NUDC: variants seen among roughly 807,000 people sequenced by gnomAD.
NUDC encodes nuclear migration protein nudC.
A neutral mutation model predicts 45.0 loss-of-function variants in NUDC; 14 were observed. That is an observed-to-expected ratio of 0.31 (90% CI 0.21 to 0.49). NUDC has a LOEUF of 0.49. Among genes scored for constraint, NUDC ranks in the 20% least tolerant of loss-of-function variants. NUDC has a pLI of 0.99. For synonymous variants in NUDC, 153 were observed against 156.7 expected (o/e 0.98, Z 0.17); for missense variants, 323 against 426.2 (o/e 0.76, Z 2.13).
chr1:26,946,501 GA>G lies in NUDC; in HGVS notation c.*321del, dbSNP rs1557683602. The G allele has an allele frequency of 4.8e-5, 20 of 419,896 alleles. No homozygotes were observed. The highest frequency in any genetic ancestry group is 7.2e-5 in the Non-Finnish European group (16 of 223,486). 26.0% of individuals were successfully genotyped at this position (419,896 alleles called of 1,614,324 possible). On this transcript the variant is annotated 3_prime_UTR_variant, in exon 9 of 9. Coordinates refer to ENST00000321265, the MANE Select transcript of NUDC (RefSeq NM_006600.4). ...GCTTCTAGCCCAGATTCTGCCATGT[GA>G]CCTAGGGCACATCCTTGCCCCTCTC...
intron 3 of NUDC, among the ~76,000 whole-genome samples, chr1:26,912,858 A>G (rs2082036691): frequency 6.6e-6 from 1 of 152,254 alleles, no homozygotes; most frequent in Non-Finnish European, 1.5e-5. Context: ...TTTCTCAGGC[A>G]GAGTGGCAAG....
At chr1:26,941,732 C>T (rs2082278869) in intron 3 of NUDC, 21 bp from the exon 4 acceptor site, 1 of 1,614,174 alleles carries the variant, frequency 6.2e-7, no homozygotes, top group African/African-American at 1.3e-5. Flanking sequence ...CTGTTGCCAA[C>T]TGCTGTGCTC....
chr1:26,922,747 A>G (rs1178710717), intron 1 of NUDC, among the ~76,000 whole-genome samples: 1 of 152,210 alleles, frequency 6.6e-6, no homozygotes, highest in Non-Finnish European at 1.5e-5. Context: ...CCCAGAGTCC[A>G]TGGCTGATTG....
upstream of NUDC, among the ~76,000 whole-genome samples, chr1:26,916,865 G>A (rs1213679928): frequency 6.6e-6 from 1 of 152,184 alleles, no homozygotes; most frequent in Non-Finnish European, 1.5e-5. Flanking sequence ...TAAGGTGGGA[G>A]GATTGCTTGA....
chr1:26,905,603 A>G (rs1293534021), intron 2 of NUDC, among the ~76,000 whole-genome samples: 1 of 151,038 alleles, frequency 6.6e-6, no homozygotes, highest in African/African-American at 2.4e-5. Flanking sequence ...GGTTACTTTG[A>G]AAAGTATATT....
chr1:26,906,721 C>G (rs71636794), intron 2 of NUDC, among the ~76,000 whole-genome samples: 8,098 of 151,210 alleles, frequency 0.054, 297 homozygotes, highest in Non-Finnish European at 0.079. Context: ...TGGTGGCGGG[C>G]GCCTGTAGTC....
upstream of NUDC, among the ~76,000 whole-genome samples, chr1:26,920,297 C>T (rs2082082557): frequency 6.6e-6 from 1 of 152,022 alleles, no homozygotes; most frequent in Admixed American, 6.6e-5. Context: ...TGAAACGAGC[C>T]TGGCCAACAT....
intron 3 of NUDC, 39 bp downstream of exon 3, chr1:26,941,699 C>G: frequency 6.2e-7 from 1 of 1,613,192 alleles, no homozygotes; most frequent in East Asian, 2.2e-5. Context: ...CTCAGATCCC[C>G]CCTGGCACTG....
At chr1:26,930,216 G>T (rs548595290) in intron 2 of NUDC, among the ~76,000 whole-genome samples, 45 of 152,266 alleles carry the variant, frequency 3.0e-4, no homozygotes, top group Non-Finnish European at 5.1e-4. Context: ...GCCCAGCCTG[G>T]ATGGTGTCCA....
chr1:26,913,541 G>A, intron 3 of NUDC: 3 of 1,613,900 alleles, frequency 1.9e-6, no homozygotes, highest in Non-Finnish European at 2.5e-6. Context: ...TCTGGCAGTT[G>A]GCCACTGCCT....
At chr1:26,939,562 A>G (rs1012987702) in intron 2 of NUDC, among the ~76,000 whole-genome samples, 3 of 152,130 alleles carry the variant, frequency 2.0e-5, no homozygotes, top group Non-Finnish European at 4.4e-5. Context: ...AGGGAGGTCG[A>G]ATGCATTCCA....
At chr1:26,936,580 TCCAC>T (rs1466857988) in intron 2 of NUDC, among the ~76,000 whole-genome samples, 9 of 151,920 alleles carry the variant, frequency 5.9e-5, no homozygotes, top group African/African-American at 1.9e-4. Flanking sequence ...CCTCAGGTGA[TCCAC>T]CCACCTTGGC....
chr1:26,942,824 A>G (rs749599733), intron 5 of NUDC, 47 bp from the exon 6 acceptor site: 2 of 1,613,942 alleles, frequency 1.2e-6, no homozygotes, highest in African/African-American at 2.7e-5. Flanking sequence ...AGCCTGGGGT[A>G]CCAGCAGCAC....
Position 26,941,801 on chromosome 1 carries a change from G to C in NUDC, c.412G>C (p.Asp138His). ...HEAQLKNGSL[D>H]SPGKQDTEED... ...GGCCCAGCTCAAGAACGGCAGCCTT[G>C]ACTCCCCAGGGAAGCAGGTGAGATG... The change falls in exon 4 of 9, where the codon GAC becomes CAC. Residue 138 changes from aspartate (D) to histidine (H), a missense_variant. This residue lies in a region of NUDC where 245 missense variants were observed against 278.8 expected (regional missense o/e 0.88). Transcript: ENST00000321265. The C allele has an allele frequency of 6.2e-7, 1 of 1,613,282 alleles. No individual in the cohort carries two copies. The highest frequency in any genetic ancestry group is 8.5e-7 in the Non-Finnish European group (1 of 1,180,024).
At chr1:26,931,303 C>T (rs1396859713) in intron 2 of NUDC, among the ~76,000 whole-genome samples, 2 of 150,678 alleles carry the variant, frequency 1.3e-5, no homozygotes, top group Non-Finnish European at 3.0e-5. Context: ...ATCTCGAACT[C>T]CTGACCTCAG....
chr1:26,909,699 C>T (rs2082017337), intron 2 of NUDC, among the ~76,000 whole-genome samples: 1 of 152,078 alleles, frequency 6.6e-6, no homozygotes, highest in Non-Finnish European at 1.5e-5. Flanking sequence ...AGGGCTTCTG[C>T]TCTTGAAAGA....
At chr1:26,941,159 G>A (rs1462951716) in intron 2 of NUDC, among the ~76,000 whole-genome samples, 1 of 130,318 alleles carries the variant, frequency 7.7e-6, no homozygotes, top group Admixed American at 9.2e-5. Context: ...GGATGGTCTT[G>A]ACCTTGTGAT....
chr1:26,923,120 A>G (rs2082104331), intron 1 of NUDC, among the ~76,000 whole-genome samples: 1 of 152,188 alleles, frequency 6.6e-6, no homozygotes, highest in South Asian at 2.1e-4. Flanking sequence ...ATGTACCTTT[A>G]GCCATATCTG....
At chr1:26,932,083 A>G (rs1371308235) in intron 2 of NUDC, among the ~76,000 whole-genome samples, 1 of 150,264 alleles carries the variant, frequency 6.7e-6, no homozygotes, top group African/African-American at 2.5e-5. Context: ...CATGATCACT[A>G]CTTACCTTGA....
Sources: gnomAD v4.1 joint callset for allele counts (sites outside exome capture counted in the v4.1 genomes callset) on GRCh38, gnomAD v4.1.1 for gene constraint, gnomAD v4.1.1 regional missense constraint, MANE v1.5 for transcripts, NCBI Gene and HGNC (gene_info 2026-07-23, HGNC 2026-07-21) for gene names.